PPP2R2C: variants seen among roughly 807,000 people sequenced by gnomAD.
PPP2R2C encodes protein phosphatase 2, regulatory subunit B, gamma.
Under a neutral mutation model 45.3 loss-of-function variants are expected in PPP2R2C, and 10 were observed. That is an observed-to-expected ratio of 0.22 (90% CI 0.14 to 0.37). PPP2R2C has a LOEUF of 0.37. Ranked by LOEUF, PPP2R2C falls within the 10% of genes least tolerant of loss-of-function variation. The pLI is 1.00. For missense variants in PPP2R2C, 308 were observed against 619.7 expected, an observed-to-expected ratio of 0.50 and a Z score of 5.34; for synonymous variants, 257 against 245.4, an observed-to-expected ratio of 1.05 and a Z score of -0.44.
intron 1 of PPP2R2C, 36 bp downstream of exon 1, chr4:6,472,124 G>C (rs754056862): frequency 6.2e-7 from 1 of 1,612,588 alleles, no homozygotes; most frequent in South Asian, 1.1e-5. Flanking sequence ...CCACGCCGCG[G>C]CCGGCCGGAG....
chr4:6,329,121 G>T lies in PPP2R2C; in HGVS notation c.1052+141C>A. ...CTGAGAGTTGGACCTGCTCTGGAAA[G>T]CGTGGGCTTCACCCAGACACCTGGA... On this transcript the variant is annotated intron_variant, in intron 8 of 8. Transcript: ENST00000382599. The surrounding 1 kb of genome is among the most constrained non-coding windows in gnomAD (Gnocchi z 5.8). 1 of 708,136 alleles carries T rather than the reference G, an allele frequency of 1.4e-6. No individual in the cohort carries two copies. The highest frequency in any genetic ancestry group is 2.4e-6 in the Non-Finnish European group (1 of 409,466). 43.9% of individuals were successfully genotyped at this position (708,136 alleles called of 1,614,324 possible).
chr4:6,518,685 G>A (rs1723908039), intron 2 of PPP2R2C, among the ~76,000 whole-genome samples: 1 of 152,110 alleles, frequency 6.6e-6, no homozygotes, highest in Admixed American at 6.5e-5. Flanking sequence ...CACTTTGGGA[G>A]GCCAAGGCAA....
At position 6,413,800 on chromosome 4, in the gene PPP2R2C, G is replaced by A. The variant is rs191855923; in HGVS notation, c.71-32706C>T. On this transcript the variant is annotated intron_variant, in intron 1 of 8. Coordinates refer to ENST00000382599, the MANE Select transcript of PPP2R2C (RefSeq NM_020416.4). ...TCTGAGAAGTGGAGACTGGCCAAAG[G>A]CCACAGCTAGCAGAGGACTGTGCCG... The A allele has an allele frequency of 1.8e-4, 254 of 1,435,106 alleles. No homozygotes were observed. The African/African-American group carries it at 2.2e-3, about 13-fold the overall frequency. 88.9% of individuals were successfully genotyped at this position (1,435,106 alleles called of 1,614,324 possible). A position where few individuals can be genotyped will look rare whatever the true frequency, so the allele number is the denominator to read the frequency against.
rs1250993525 is a variant in PPP2R2C at position 6,345,817 on chromosome 4, C to G, written c.790+2029G>C. Among the ~76,000 whole-genome samples the G allele has an allele frequency of 1.3e-5, 2 of 152,168 alleles. 1 individual carries two copies. The highest frequency in any genetic ancestry group is 4.1e-4 in the South Asian group (2 of 4,830). On this transcript the variant is annotated intron_variant, in intron 6 of 8. Coordinates refer to ENST00000382599, the MANE Select transcript of PPP2R2C (RefSeq NM_020416.4). This position sits in a 1 kb window ranked among gnomAD's most constrained non-coding sequence, Gnocchi z 5.3. ...AGGACGCAGCCCCGAGCCCCCTGCACCCCGGGAATCTCAGCTGGTCTCCAG... is the reference window on the plus strand; with the variant it reads ...AGGACGCAGCCCCGAGCCCCCTGCAGCCCGGGAATCTCAGCTGGTCTCCAG...
At chr4:6,336,673 A>T (rs1430660609) in intron 6 of PPP2R2C, among the ~76,000 whole-genome samples, 3 of 3,934 alleles carry the variant, frequency 7.6e-4, no homozygotes, top group Admixed American at 3.5e-3. Context: ...CCCTGCTTCC[A>T]TCCCTCCCTC....
At chr4:6,442,141 G>C (rs1023902221) in intron 1 of PPP2R2C, among the ~76,000 whole-genome samples, 8 of 152,338 alleles carry the variant, frequency 5.3e-5, no homozygotes, top group African/African-American at 1.9e-4. Context: ...CCAGGATGAG[G>C]ACTCTGTGGC....
In PPP2R2C at chr4:6,472,060, C is replaced by T. The variant is rs1032482211; in HGVS notation, c.70+100G>A. On this transcript the variant is annotated intron_variant, in intron 1 of 8. Coordinates refer to ENST00000382599, the MANE Select transcript of PPP2R2C (RefSeq NM_020416.4). ...TGGGGTGGGGTGGGGCGGGGGGACA[C>T]GACACACATCGCGCGGTCCAAACCT... The T allele has an allele frequency of 4.8e-6, 7 of 1,450,456 alleles. No individual in the cohort carries two copies. In the Admixed American group the frequency reaches 5.2e-5, roughly 11 times the overall value. The allele number at this position is 1,450,456 out of a possible 1,614,324, so 89.8% of individuals were successfully genotyped here.
At chr4:6,392,461 G>T (rs1185900162) in intron 1 of PPP2R2C, among the ~76,000 whole-genome samples, 2 of 152,138 alleles carry the variant, frequency 1.3e-5, no homozygotes, top group Non-Finnish European at 2.9e-5. Context: ...GGCTGTTTTA[G>T]CTGGGGAGGC....
rs201125951 is a variant in PPP2R2C, at chr4:6,329,384, G to C, written c.961-31C>G. ...GGGATAAGGGATGAGGTGAGTGGAC[G>C]GGGCGTCCCGACCATCCTGGCCCTT... is the stretch of plus-strand genomic sequence containing the variant. On this transcript the variant is annotated intron_variant, in intron 7 of 8. Coordinates refer to ENST00000382599, the MANE Select transcript of PPP2R2C (RefSeq NM_020416.4). This position sits in a 1 kb window ranked among gnomAD's most constrained non-coding sequence, Gnocchi z 5.8. 1 of 1,582,070 alleles carries C rather than the reference G, an allele frequency of 6.3e-7. No homozygotes were observed. The highest frequency in any genetic ancestry group is 1.7e-5 in the Admixed American group (1 of 59,818).
chr4:6,436,916 G>T (rs559984782), intron 1 of PPP2R2C, among the ~76,000 whole-genome samples: 2 of 152,188 alleles, frequency 1.3e-5, no homozygotes, highest in South Asian at 4.2e-4. Context: ...AGTTGTCTTT[G>T]ACTAACTTGG....
chr4:6,402,572 C>T (rs538509555), intron 1 of PPP2R2C, among the ~76,000 whole-genome samples: 3 of 152,286 alleles, frequency 2.0e-5, no homozygotes, highest in South Asian at 2.1e-4. Flanking sequence ...CCTATGGGAC[C>T]GCGCTAGGCC....
intron 1 of PPP2R2C, among the ~76,000 whole-genome samples, chr4:6,445,058 G>A (rs1720348471): frequency 6.6e-6 from 1 of 152,160 alleles, no homozygotes; most frequent in South Asian, 2.1e-4. Context: ...GTATGTTGGT[G>A]CCTGCCTGTA....
intron 1 of PPP2R2C, among the ~76,000 whole-genome samples, chr4:6,541,926 C>G (rs1025049832): frequency 6.6e-6 from 1 of 152,236 alleles, no homozygotes; most frequent in African/African-American, 2.4e-5. Flanking sequence ...CTGATTCCCT[C>G]GCTGCATAGG....
intron 1 of PPP2R2C, among the ~76,000 whole-genome samples, chr4:6,451,694 C>T (rs1720740701): frequency 6.6e-6 from 1 of 152,054 alleles, no homozygotes. Flanking sequence ...TGGGGATGGC[C>T]AGGGAGAGAG....
At chr4:6,543,318 G>A (rs183845809) in intron 1 of PPP2R2C, among the ~76,000 whole-genome samples, 1 of 152,098 alleles carries the variant, frequency 6.6e-6, no homozygotes, top group East Asian at 1.9e-4. Context: ...CGTCCTAATC[G>A]ACACCCCACA....
rs145117758 is a variant in PPP2R2C, at chr4:6,364,147, G to A, written c.625+8376C>T. On this transcript the variant is annotated intron_variant, in intron 5 of 8. Transcript: ENST00000382599. The surrounding 1 kb of genome is among the most constrained non-coding windows in gnomAD (Gnocchi z 5.3). ...AAGCCTCTAGGGAAGGGGCTCGAGG[G>A]AGTCATGGAGGGGATGGACTAGTTC... Among the ~76,000 whole-genome samples the A allele has an allele frequency of 4.2e-3, 647 of 152,330 alleles. 1 individual carries two copies. Among genetic ancestry groups the A allele is most frequent in the Middle Eastern group, 6.8e-3 (2 of 294 alleles).
At chr4:6,467,093 G>A (rs1392189825) in intron 1 of PPP2R2C, among the ~76,000 whole-genome samples, 1 of 152,150 alleles carries the variant, frequency 6.6e-6, no homozygotes, top group Non-Finnish European at 1.5e-5. Context: ...CCCCAGCACT[G>A]AAATGGAGCC....
intron 5 of PPP2R2C, among the ~76,000 whole-genome samples, chr4:6,352,027 G>A (rs997062222): frequency 7.2e-5 from 11 of 152,246 alleles, no homozygotes; most frequent in African/African-American, 1.9e-4. Context: ...GGAAGTAGCT[G>A]TGGGAGAAGC....
At chr4:6,377,848 A>G (rs1293354776) in intron 3 of PPP2R2C, among the ~76,000 whole-genome samples, 1 of 152,060 alleles carries the variant, frequency 6.6e-6, no homozygotes, top group Non-Finnish European at 1.5e-5. Flanking sequence ...TCAGGCCGAG[A>G]GCCTCCGGTG....
Sources: gnomAD v4.1 joint callset for allele counts (sites outside exome capture counted in the v4.1 genomes callset) on GRCh38, gnomAD v4.1.1 for gene constraint, Gnocchi (gnomAD v3.1) non-coding constraint, MANE v1.5 for transcripts, NCBI Gene and HGNC (gene_info 2026-07-23, HGNC 2026-07-21) for gene names.